The following PDK1 variants were observed in gnomAD, a reference collection of about 807,000 sequenced individuals.
PDK1 encodes the protein [Pyruvate dehydrogenase (acetyl-transferring)] kinase isozyme 1, mitochondrial.
In PDK1, 39 loss-of-function variants were observed where a neutral mutation model predicts 54.2. The observed-to-expected ratio is 0.72, with a 90% CI of 0.56 to 0.94. PDK1 has a LOEUF of 0.94. Among genes scored for constraint, PDK1 ranks in the 40% least tolerant of loss-of-function variants. The pLI is 0.00. For missense variants in PDK1, 552 were observed against 566.0 expected (o/e 0.98, Z 0.25); for synonymous variants, 221 against 207.1 (o/e 1.07, Z -0.58).
At chr2:172,583,220 A>C (rs1249466493) in intron 8 of PDK1, among the ~76,000 whole-genome samples, 1 of 151,280 alleles carries the variant, frequency 6.6e-6, no homozygotes, top group Non-Finnish European at 1.5e-5. Context: ...ATCTTACTAA[A>C]ATAAATTACT....
At chr2:172,612,179 C>T (rs1455245347), downstream of PDK1, among the ~76,000 whole-genome samples, 1 of 152,108 alleles carries the variant, frequency 6.6e-6, no homozygotes. Flanking sequence ...ATTTCTCTTC[C>T]GAAGATCCAC....
the PDK1 span, among the ~76,000 whole-genome samples, chr2:172,716,444 C>T: frequency 6.6e-6 from 1 of 151,906 alleles, no homozygotes; most frequent in Non-Finnish European, 1.5e-5. Context: ...TCCTGCCTCA[C>T]CTCCCGAATA....
At chr2:172,706,704 C>G in the PDK1 span, among the ~76,000 whole-genome samples, 1 of 152,200 alleles carries the variant, frequency 6.6e-6, no homozygotes, top group East Asian at 1.9e-4. Context: ...GCTGGGATTA[C>G]AGATGTGAGC....
chr2:172,614,167 G>A, the PDK1 span, among the ~76,000 whole-genome samples: 2 of 123,442 alleles, frequency 1.6e-5, no homozygotes, highest in Non-Finnish European at 3.3e-5. Flanking sequence ...GGGGTCCCAG[G>A]AAGGACCCCC....
intron 9 of PDK1, 88 bp downstream of exon 9, chr2:172,586,476 T>A: frequency 1.4e-6 from 1 of 738,324 alleles, no homozygotes; most frequent in Non-Finnish European, 2.4e-6. Flanking sequence ...AGCCGTCATG[T>A]AGGGTACTCC....
intron 8 of PDK1, among the ~76,000 whole-genome samples, chr2:172,573,238 T>A (rs899844461): frequency 6.6e-6 from 1 of 152,236 alleles, no homozygotes; most frequent in Non-Finnish European, 1.5e-5. Flanking sequence ...TTTTACCTCG[T>A]CCTTGTCAAC....
At chr2:172,612,818 C>G (rs1025909467), downstream of PDK1, among the ~76,000 whole-genome samples, 1 of 152,106 alleles carries the variant, frequency 6.6e-6, no homozygotes, top group Non-Finnish European at 1.5e-5. Context: ...TGCCACCACA[C>G]CTGGCTAATT....
the PDK1 span, among the ~76,000 whole-genome samples, chr2:172,622,663 T>C: frequency 1.4e-5 from 2 of 147,074 alleles, no homozygotes; most frequent in African/African-American, 4.9e-5. Context: ...ATGTGAGATA[T>C]GTTTATATCT....
downstream of PDK1, among the ~76,000 whole-genome samples, chr2:172,612,550 CTCTT>C (rs1223927848): frequency 6.6e-6 from 1 of 152,034 alleles, no homozygotes. Context: ...ACACTGTGTT[CTCTT>C]AAGTCCAGTC....
At chr2:172,562,774 T>C in intron 3 of PDK1, 1 of 1,610,218 alleles carries the variant, frequency 6.2e-7, no homozygotes, top group East Asian at 2.2e-5. Context: ...AGGTCTCTAG[T>C]TTATGCTGTA....
At chr2:172,613,768 A>T in the PDK1 span, among the ~76,000 whole-genome samples, 4 of 152,174 alleles carry the variant, frequency 2.6e-5, no homozygotes, top group African/African-American at 7.2e-5. Flanking sequence ...TGCATATTCC[A>T]TGGAGCCAGG....
chr2:172,632,774 G>A, the PDK1 span, among the ~76,000 whole-genome samples: 19 of 151,806 alleles, frequency 1.3e-4, no homozygotes, highest in African/African-American at 4.4e-4. Flanking sequence ...AAGGTTAGGA[G>A]ATCAAGACCA....
At chr2:172,651,632 G>T in the PDK1 span, among the ~76,000 whole-genome samples, 303 of 152,192 alleles carry the variant, frequency 2.0e-3, 1 homozygote, top group Middle Eastern at 0.014. Context: ...ATGATAAAGG[G>T]GATATCACCG....
At chr2:172,563,963 T>C (rs1688795733) in intron 3 of PDK1, 1 of 466,118 alleles carries the variant, frequency 2.1e-6, no homozygotes, top group Non-Finnish European at 4.4e-6. Flanking sequence ...ACTTTTCCTC[T>C]CCCATTTTAT....
upstream of PDK1, chr2:172,555,865 G>T (rs907386712): frequency 6.7e-6 from 2 of 299,220 alleles, no homozygotes; most frequent in South Asian, 1.2e-4. Flanking sequence ...TCTGGGCGGC[G>T]GCTGCGGCCT....
In PDK1 at chr2:172,602,698, G is replaced by A. The variant is rs1691154994; in HGVS notation, c.*6729G>A. ...CTAATATTTTGGAGCATAGAGGAAA[G>A]AAACATCTTATGTTTCTGTGTTTGG... On this transcript the variant is annotated 3_prime_UTR_variant, in exon 11 of 11. Coordinates refer to ENST00000282077, the MANE Select transcript of PDK1 (RefSeq NM_002610.5). 1 of 152,198 alleles carries A rather than the reference G, an allele frequency of 6.6e-6. No individual in the cohort carries two copies. Among genetic ancestry groups the A allele is most frequent in the Non-Finnish European group, 1.5e-5 (1 of 68,028 alleles). The allele number at this position is 152,198 out of a possible 1,614,324, so 9.4% of individuals were successfully genotyped here.
the PDK1 span, among the ~76,000 whole-genome samples, chr2:172,691,901 A>T: frequency 6.6e-6 from 1 of 152,256 alleles, no homozygotes; most frequent in Non-Finnish European, 1.5e-5. Context: ...TTGTGTGGAC[A>T]TAAGTTTCCA....
chr2:172,686,531 G>T, the PDK1 span, among the ~76,000 whole-genome samples: 1 of 152,168 alleles, frequency 6.6e-6, no homozygotes, highest in African/African-American at 2.4e-5. Flanking sequence ...TCTGTAAAAT[G>T]GACCAATCAG....
rs1029197437 is a variant in PDK1 at position 172,606,637 on chromosome 2, G to C, written c.*10668G>C. ...AGTTCCTGATACAGAAGTGGCATCA[G>C]TGCTGGTGTTAATGGCTGCAGTAAA... On this transcript the variant is annotated 3_prime_UTR_variant, in exon 11 of 11. Transcript: ENST00000282077. 6.6e-6 allele frequency: 1 copy of C among 151,798 alleles called. No individual in the cohort carries two copies. Among genetic ancestry groups the C allele is most frequent in the Non-Finnish European group, 1.5e-5 (1 of 68,002 alleles). The allele number at this position is 151,798 out of a possible 1,614,324, so 9.4% of individuals were successfully genotyped here.
Sources: allele counts gnomAD v4.1 joint callset (sites outside exome capture counted in the v4.1 genomes callset), GRCh38; gene constraint gnomAD v4.1.1; transcripts MANE v1.5; gene names NCBI Gene and HGNC (gene_info 2026-07-23, HGNC 2026-07-21).